The following TERT variants were observed in gnomAD, a reference collection of about 807,000 sequenced individuals.
TERT encodes telomerase reverse transcriptase.
TERT carries 42 observed loss-of-function variants against 104.0 expected under a neutral mutation model. The ratio of observed to expected loss-of-function variants is 0.40; its 90% CI spans 0.32 to 0.52. The LOEUF is 0.52. Ranked by LOEUF, TERT falls within the 20% of genes least tolerant of loss-of-function variation. TERT has a pLI of 0.43. For synonymous variants in TERT, 781 were observed against 725.6 expected, an observed-to-expected ratio of 1.08 and a Z score of -1.23; for missense variants, 1,101 against 1,610.3, an observed-to-expected ratio of 0.68 and a Z score of 5.41.
At position 1,268,740 on chromosome 5, in the gene TERT, C is replaced by A; in HGVS notation, c.2469-107G>T. The A allele has an allele frequency of 2.8e-6, 2 of 723,826 alleles. No individual in the cohort carries two copies. The highest frequency in any genetic ancestry group is 2.1e-5 in the Admixed American group (1 of 47,204). 44.8% of individuals were successfully genotyped at this position (723,826 alleles called of 1,614,324 possible). On this transcript the variant is annotated intron_variant, in intron 8 of 15. Coordinates refer to ENST00000310581, the MANE Select transcript of TERT (RefSeq NM_198253.3). The surrounding 1 kb of genome is among the most constrained non-coding windows in gnomAD (Gnocchi z 5.5). ...CAGAACCTCATACACACAAACGACACGTCTACCATTCAGCCGGCAAACACC... is the reference window on the plus strand; with the variant it reads ...CAGAACCTCATACACACAAACGACAAGTCTACCATTCAGCCGGCAAACACC...
intron 4 of TERT, 43 bp from the exon 5 acceptor site, chr5:1,279,513 G>A: frequency 1.3e-6 from 2 of 1,541,516 alleles, no homozygotes; most frequent in Non-Finnish European, 8.8e-7. Context: ...AGTGGATCCG[G>A]CCAAGTGCCC....
rs1192852544 is a variant in TERT at position 1,264,415 on chromosome 5, G to A, written c.2832C>T (p.Ser944=). ...CCAGGTGCGCTCACCTGGAGTAGTC[G>A]CTCTGCACCTCCAGGGTCCGGGTAT... ...LLDTRTLEVQ[S]DYSSYARTSI... Residue 944 remains serine, a synonymous_variant, in exon 11 of 16, where the codon AGC becomes AGT. Coordinates refer to ENST00000310581, the MANE Select transcript of TERT (RefSeq NM_198253.3). 28 of 1,612,618 alleles carry A rather than the reference G, an allele frequency of 1.7e-5. No individual in the cohort carries two copies. Among genetic ancestry groups the A allele is most frequent in the South Asian group, 3.3e-5 (3 of 91,034 alleles).
In TERT at chr5:1,253,893, C is replaced by A. The variant is rs934361049; in HGVS notation, c.3296-62G>T. 1.3e-5 allele frequency: 20 copies of A among 1,538,024 alleles called. No individual in the cohort carries two copies. In the African/African-American group the frequency reaches 2.7e-4, roughly 21 times the overall value. On this transcript the variant is annotated intron_variant, in intron 15 of 15. Transcript: ENST00000310581. ...CCAGAGGTGGCATCCTCCAACCCTCCTAGGACGTGTGGGTGGCCGGGCAGG... is the reference window on the plus strand; with the variant it reads ...CCAGAGGTGGCATCCTCCAACCCTCATAGGACGTGTGGGTGGCCGGGCAGG...
At position 1,265,682 on chromosome 5, in the gene TERT, G is replaced by A. The variant is rs1478481850; in HGVS notation, c.2654+782C>T. Among the ~76,000 whole-genome samples the A allele has an allele frequency of 6.6e-6, 1 of 152,070 alleles. No homozygotes were observed. The highest frequency in any genetic ancestry group is 1.9e-4 in the East Asian group (1 of 5,180). On this transcript the variant is annotated intron_variant, in intron 10 of 15. Coordinates refer to ENST00000310581, the MANE Select transcript of TERT (RefSeq NM_198253.3). This position sits in a 1 kb window ranked among gnomAD's most constrained non-coding sequence, Gnocchi z 6.9. ...ACCTGGAGGGTGGACTTGGAGGGCG[G>A]GTCCAAATGGGTTTTCACAAACACA...
chr5:1,288,803 G>C lies in TERT; in HGVS notation c.1573+4510C>G, dbSNP rs531941874. On this transcript the variant is annotated intron_variant, in intron 2 of 15. Transcript: ENST00000310581. The surrounding 1 kb of genome is among the most constrained non-coding windows in gnomAD (Gnocchi z 5.3). Reference sequence around the variant, plus strand: ...TTGGCAGCATGCATGTGGCGGGCACGTGGTGAGCAAGCCAGGCCCAACAGA... The same window carrying C: ...TTGGCAGCATGCATGTGGCGGGCACCTGGTGAGCAAGCCAGGCCCAACAGA... Among the ~76,000 whole-genome samples, 6 of 152,304 alleles carry C rather than the reference G, an allele frequency of 3.9e-5. No homozygotes were observed. The East Asian group carries it at 1.2e-3, about 29-fold the overall frequency.
Position 1,295,055 on chromosome 5 carries a change from C to T in TERT, c.-66G>A, listed in dbSNP as rs2126693734. On this transcript the variant is annotated 5_prime_UTR_variant, in exon 1 of 16. Transcript: ENST00000310581. ...AGGACGCAGCGCTGCCTGAAACTCGCGCCGCGAGGAGAGGGCGGGGCCGCG... is the reference window on the plus strand; with the variant it reads ...AGGACGCAGCGCTGCCTGAAACTCGTGCCGCGAGGAGAGGGCGGGGCCGCG... 1 of 1,143,596 alleles carries T rather than the reference C, an allele frequency of 8.7e-7. No homozygotes were observed. Among genetic ancestry groups the T allele is most frequent in the Non-Finnish European group, 1.1e-6 (1 of 901,658 alleles). 70.8% of individuals were successfully genotyped at this position (1,143,596 alleles called of 1,614,324 possible). A position where few individuals can be genotyped will look rare whatever the true frequency, so the allele number is the denominator to read the frequency against.
At chr5:1,278,871 G>C in intron 5 of TERT, 75 bp from the exon 6 acceptor site, 2 of 1,594,558 alleles carry the variant, frequency 1.3e-6, no homozygotes, top group East Asian at 2.2e-5. Flanking sequence ...TCAGGGCCTG[G>C]CCTGGCGGTG....
At chr5:1,267,326 TA>T (rs1008951550) in intron 9 of TERT, among the ~76,000 whole-genome samples, 8 of 152,128 alleles carry the variant, frequency 5.3e-5, no homozygotes, top group Admixed American at 4.6e-4. Flanking sequence ...ACTATTTTCA[TA>T]AAAAAATAAC....
chr5:1,284,642 T>C (rs1750348190), intron 2 of TERT, among the ~76,000 whole-genome samples: 1 of 135,386 alleles, frequency 7.4e-6, no homozygotes, highest in Non-Finnish European at 1.5e-5. Context: ...ACTCCAGACC[T>C]GCACCATCCA....
Position 1,256,786 on chromosome 5 carries a change from A to G in TERT, c.3033-1375T>C, listed in dbSNP as rs1198160047. Among the ~76,000 whole-genome samples the G allele has an allele frequency of 6.6e-6, 1 of 152,226 alleles. No individual in the cohort carries two copies. The highest frequency in any genetic ancestry group is 2.4e-5 in the African/African-American group (1 of 41,466). ...TGCCACACGGCCACGCTCCTGACCC[A>G]GGAGGGAAACACCTAGCATGGGTGA... is the stretch of plus-strand genomic sequence containing the variant. On this transcript the variant is annotated intron_variant, in intron 13 of 15. Coordinates refer to ENST00000310581, the MANE Select transcript of TERT (RefSeq NM_198253.3). The surrounding 1 kb of genome is among the most constrained non-coding windows in gnomAD (Gnocchi z 7.0).
chr5:1,255,161 G>C lies in TERT; in HGVS notation c.3157+126C>G. ...CGGGCAGACGAGCCTGACAGTGGTT[G>C]GGTTAAACCACTTCCTGATGCGAAA... On this transcript the variant is annotated intron_variant, in intron 14 of 15. Transcript: ENST00000310581. The surrounding 1 kb of genome is among the most constrained non-coding windows in gnomAD (Gnocchi z 6.9). 1 of 1,239,046 alleles carries C rather than the reference G, an allele frequency of 8.1e-7. No homozygotes were observed. The highest frequency in any genetic ancestry group is 1.1e-6 in the Non-Finnish European group (1 of 874,034). 76.8% of individuals were successfully genotyped at this position (1,239,046 alleles called of 1,614,324 possible). A position where few individuals can be genotyped will look rare whatever the true frequency, so the allele number is the denominator to read the frequency against.
In TERT at chr5:1,272,268, T is replaced by C. The variant is rs774249292; in HGVS notation, c.2299A>G (p.Thr767Ala). ...KAFKSHVSTL[T>A]DLQPYMRQFV... ...TGTCGCATGTACGGCTGGAGGTCTG[T>C]CAAGGTAGAGACCTGCCGGCAGAGG... is the stretch of plus-strand genomic sequence containing the variant. The change falls in exon 7 of 16, where the codon ACA (threonine) becomes GCA (alanine). Residue 767 changes from threonine to alanine, a missense_variant. Coordinates refer to ENST00000310581, the MANE Select transcript of TERT (RefSeq NM_198253.3). The C allele has an allele frequency of 6.2e-7, 1 of 1,611,740 alleles. No individual in the cohort carries two copies. The highest frequency in any genetic ancestry group is 8.5e-7 in the Non-Finnish European group (1 of 1,179,512).
chr5:1,282,405 A>G, intron 3 of TERT, 24 bp downstream of exon 3: 1 of 1,613,044 alleles, frequency 6.2e-7, no homozygotes. Context: ...CGAGAAGCAG[A>G]GGCCTGGCGT....
intron 2 of TERT, chr5:1,282,848 G>GC (rs1423676648): frequency 1.3e-5 from 8 of 594,886 alleles, no homozygotes; most frequent in African/African-American, 6.0e-5. Flanking sequence ...CCAGCTCACC[G>GC]AGGGCCTGGC....
At chr5:1,283,447 C>T (rs1750204115) in intron 2 of TERT, among the ~76,000 whole-genome samples, 2 of 149,202 alleles carry the variant, frequency 1.3e-5, no homozygotes, top group Admixed American at 1.3e-4. Flanking sequence ...ACCGCACATC[C>T]AGCTAACCGC....
At position 1,293,387 on chromosome 5, in the gene TERT, T is replaced by A. The variant is rs2126683887; in HGVS notation, c.1499A>T (p.His500Leu). Residue 500 changes from histidine to leucine, a missense_variant, in exon 2 of 16, where the codon CAT (histidine) becomes CTT (leucine). Coordinates refer to ENST00000310581, the MANE Select transcript of TERT (RefSeq NM_198253.3). ...NTKKFISLGK[H>L]AKLSLQELTW... ...CAGCTCCTGCAGCGAGAGCTTGGCA[T>A]GCTTCCCCAGGGAGATGAACTTCTT... is the stretch of plus-strand genomic sequence containing the variant. 1 of 1,613,386 alleles carries A rather than the reference T, an allele frequency of 6.2e-7. No homozygotes were observed. The highest frequency in any genetic ancestry group is 8.5e-7 in the Non-Finnish European group (1 of 1,180,000).
chr5:1,275,380 A>G (rs1158217316), intron 6 of TERT, among the ~76,000 whole-genome samples: 4 of 151,406 alleles, frequency 2.6e-5, no homozygotes, highest in Admixed American at 1.3e-4. Context: ...TGTTATCAAA[A>G]AAAAAAAAAA....
chr5:1,283,913 C>T (rs1750259744), intron 2 of TERT, among the ~76,000 whole-genome samples: 1 of 149,980 alleles, frequency 6.7e-6, no homozygotes, highest in African/African-American at 2.5e-5. Flanking sequence ...TCACCCCGGA[C>T]CTGCAGCAAC....
At chr5:1,284,344 T>C (rs1184353369) in intron 2 of TERT, among the ~76,000 whole-genome samples, 12 of 74,848 alleles carry the variant, frequency 1.6e-4, no homozygotes, top group Admixed American at 4.5e-4. Flanking sequence ...CGGACCTGCA[T>C]CATCCGGACT....
Sources: gnomAD v4.1 joint callset for allele counts (sites outside exome capture counted in the v4.1 genomes callset) on GRCh38, gnomAD v4.1.1 for gene constraint, Gnocchi (gnomAD v3.1) non-coding constraint, MANE v1.5 for transcripts, NCBI Gene and HGNC (gene_info 2026-07-23, HGNC 2026-07-21) for gene names.